The following CERT1 variants were observed in gnomAD, a reference collection of about 807,000 sequenced individuals.
CERT1 encodes ceramide transfer protein.
A neutral mutation model predicts 87.9 loss-of-function variants in CERT1; 31 were observed. The ratio of observed to expected loss-of-function variants is 0.35; its 90% CI spans 0.27 to 0.48. CERT1 has a LOEUF of 0.48. CERT1 is among the 20% of genes least tolerant of loss of function. The pLI, the probability that CERT1 is intolerant of heterozygous loss-of-function variation, is 0.99. For synonymous variants in CERT1, 289 were observed against 250.9 expected, an observed-to-expected ratio of 1.15 and a Z score of -1.44; for missense variants, 487 against 758.0, an observed-to-expected ratio of 0.64 and a Z score of 4.20.
chr5:75,498,723 G>A (rs1174202759), intron 2 of CERT1, among the ~76,000 whole-genome samples: 1 of 152,222 alleles, frequency 6.6e-6, no homozygotes, highest in East Asian at 1.9e-4. Context: ...GAGCCCTCAT[G>A]GAGAACCTCT....
At chr5:75,403,469 T>C (rs1010738933) in intron 8 of CERT1, among the ~76,000 whole-genome samples, 9 of 152,258 alleles carry the variant, frequency 5.9e-5, no homozygotes, top group African/African-American at 1.7e-4. Flanking sequence ...TTGGTGTCCA[T>C]AAAGTTTTAC....
chr5:75,454,731 T>C (rs983018416), intron 3 of CERT1, among the ~76,000 whole-genome samples: 3 of 152,212 alleles, frequency 2.0e-5, no homozygotes, highest in South Asian at 4.1e-4. Flanking sequence ...AAGAACTCAA[T>C]GTCGACCATT....
intron 15 of CERT1, among the ~76,000 whole-genome samples, chr5:75,381,536 A>AC (rs1580692221): frequency 1.3e-5 from 2 of 152,172 alleles, no homozygotes; most frequent in Non-Finnish European, 2.9e-5. Context: ...AAAAAAAAAA[A>AC]AAAATTTTTT....
At chr5:75,419,232 C>G in intron 6 of CERT1, 109 bp downstream of exon 6, 1 of 626,036 alleles carries the variant, frequency 1.6e-6, no homozygotes, top group South Asian at 2.4e-5. Flanking sequence ...TGGATTCCAC[C>G]AGTTCTACTG....
rs561144751 is a variant in CERT1 at position 75,438,525 on chromosome 5, C to T, written c.349-12047G>A. Among the ~76,000 whole-genome samples, 141 of 152,196 alleles carry T rather than the reference C, an allele frequency of 9.3e-4. 1 individual carries two copies. Among genetic ancestry groups the T allele is most frequent in the Admixed American group, 1.5e-3 (23 of 15,282 alleles). On this transcript the variant is annotated intron_variant, in intron 3 of 16. Coordinates refer to ENST00000643780, the MANE Select transcript of CERT1 (RefSeq NM_001379029.1). ...AGTGGCACCAGTTTTGGGGACAGTA[C>T]TTTAAAGGCATACTGGCTTTTTCTT...
At chr5:75,393,942 G>C (rs1463109442) in intron 11 of CERT1, among the ~76,000 whole-genome samples, 1 of 151,966 alleles carries the variant, frequency 6.6e-6, no homozygotes, top group Non-Finnish European at 1.5e-5. Context: ...TCCAGCCTGG[G>C]CAACATAGCA....
In CERT1 at chr5:75,399,405, A is replaced by AC; in HGVS notation, c.1111-19_1111-18insG. 1 of 1,590,644 alleles carries AC rather than the reference A, an allele frequency of 6.3e-7. No homozygotes were observed. The highest frequency in any genetic ancestry group is 8.6e-7 in the Non-Finnish European group (1 of 1,158,846). ...CTATAGGGCTACCAGAGACAGACAAAGAAAAAACCAAGTAATCAGAACAAA... is the reference window on the plus strand; with the variant it reads ...CTATAGGGCTACCAGAGACAGACAAACGAAAAAACCAAGTAATCAGAACAAA... On this transcript the variant is annotated intron_variant, in intron 10 of 16. Transcript: ENST00000643780.
intron 3 of CERT1, among the ~76,000 whole-genome samples, chr5:75,440,798 C>T (rs1302099097): frequency 6.6e-6 from 1 of 152,046 alleles, no homozygotes; most frequent in Non-Finnish European, 1.5e-5. Context: ...CCAAATATAA[C>T]ATGGTACCAT....
intron 7 of CERT1, among the ~76,000 whole-genome samples, chr5:75,416,305 A>G (rs1763132352): frequency 6.6e-6 from 1 of 152,218 alleles, no homozygotes; most frequent in Non-Finnish European, 1.5e-5. Context: ...AATTATAAAT[A>G]GAAGTTTTCC....
chr5:75,505,885 T>C (rs1767627402), intron 2 of CERT1, 97 bp downstream of exon 2: 3 of 884,684 alleles, frequency 3.4e-6, no homozygotes, highest in African/African-American at 1.7e-5. Flanking sequence ...AGGATCTTTA[T>C]CTTATCCACG....
Position 75,500,080 on chromosome 5 carries a change from T to G in CERT1, c.231+5902A>C, listed in dbSNP as rs78713919. ...ACATAAAAAGAATGCCATGTGTACA[T>G]GCAGACAGAGATTGGAGTGATGCAT... is the stretch of plus-strand genomic sequence containing the variant. On this transcript the variant is annotated intron_variant, in intron 2 of 16. Coordinates refer to ENST00000643780, the MANE Select transcript of CERT1 (RefSeq NM_001379029.1). Among the ~76,000 whole-genome samples the G allele has an allele frequency of 1.0e-3, 155 of 152,256 alleles. 1 individual carries two copies. The East Asian group carries it at 0.025, about 24-fold the overall frequency.
chr5:75,511,385 C>A lies in CERT1; in HGVS notation c.-178G>T. ...CGCCGCGCCGCCGCCGCGCCTGACA[C>A]CGAGCGGAGCGAGGAAGGAGGACGA... On this transcript the variant is annotated 5_prime_UTR_variant, in exon 1 of 17. Transcript: ENST00000643780. The A allele has an allele frequency of 6.5e-7, 1 of 1,546,670 alleles. No individual in the cohort carries two copies.
chr5:75,410,815 T>C (rs1762905664), intron 8 of CERT1, 196 bp downstream of exon 8: 1 of 360,336 alleles, frequency 2.8e-6, no homozygotes, highest in African/African-American at 2.1e-5. Context: ...AGCCTAAACT[T>C]TGTAGGCAAT....
chr5:75,377,209 C>G (rs1341658536), downstream of CERT1: 1 of 152,164 alleles, frequency 6.6e-6, no homozygotes, highest in East Asian at 1.9e-4. Flanking sequence ...GTATTTTTCA[C>G]CTAATGAGTT....
rs1346467873 is a variant in CERT1, at chr5:75,496,532, C to T, written c.231+9450G>A. 9.2e-5 allele frequency among the ~76,000 whole-genome samples: 14 copies of T among 152,280 alleles called. No homozygotes were observed. In the South Asian group the frequency reaches 2.7e-3, roughly 29 times the overall value. ...AAGACCTGCATGCAAATGTTTAGAG[C>T]AGCCTTATTTATTGTATCTCAAAAC... On this transcript the variant is annotated intron_variant, in intron 2 of 16. Transcript: ENST00000643780.
chr5:75,444,882 C>T (rs559076576), intron 3 of CERT1, among the ~76,000 whole-genome samples: 2 of 152,146 alleles, frequency 1.3e-5, no homozygotes, highest in African/African-American at 4.8e-5. Flanking sequence ...GAATTTTTTT[C>T]GTATTTCCTT....
intron 1 of CERT1, among the ~76,000 whole-genome samples, chr5:75,509,669 A>G (rs1418150905): frequency 1.3e-5 from 2 of 152,132 alleles, no homozygotes; most frequent in Non-Finnish European, 2.9e-5. Context: ...CAAAAGTACA[A>G]TTTGTTTCGT....
intron 3 of CERT1, among the ~76,000 whole-genome samples, chr5:75,444,341 A>G (rs1483540876): frequency 6.6e-6 from 1 of 152,144 alleles, no homozygotes; most frequent in Non-Finnish European, 1.5e-5. Context: ...AATGTGAGCC[A>G]CTGCGCCTGG....
chr5:75,386,634 T>C (rs1205135753), intron 12 of CERT1, among the ~76,000 whole-genome samples: 2 of 152,212 alleles, frequency 1.3e-5, no homozygotes, highest in South Asian at 2.1e-4. Context: ...TCTTGAGAAA[T>C]GAAACATGTC....
Sources: gnomAD v4.1 joint callset for allele counts (sites outside exome capture counted in the v4.1 genomes callset) on GRCh38, gnomAD v4.1.1 for gene constraint, MANE v1.5 for transcripts, NCBI Gene and HGNC (gene_info 2026-07-23, HGNC 2026-07-21) for gene names.